Variants in OPCML observed in about 807,000 individuals in gnomAD.
OPCML encodes opioid binding protein/cell adhesion molecule like, also known as opioid-binding protein/cell adhesion molecule.
Under a neutral mutation model 37.8 loss-of-function variants are expected in OPCML, and 13 were observed. That is an observed-to-expected ratio of 0.34 (90% CI 0.22 to 0.55). OPCML has a LOEUF of 0.55. Among genes scored for constraint, OPCML ranks in the 20% least tolerant of loss-of-function variants. OPCML has a pLI of 0.91. For missense variants in OPCML, 341 were observed against 435.6 expected, an observed-to-expected ratio of 0.78 and a Z score of 1.93; for synonymous variants, 176 against 168.8, an observed-to-expected ratio of 1.04 and a Z score of -0.33.
intron 1 of OPCML, among the ~76,000 whole-genome samples, chr11:133,329,839 A>G (rs113648364): frequency 6.6e-6 from 1 of 152,152 alleles, no homozygotes; most frequent in Non-Finnish European, 1.5e-5. Flanking sequence ...TTGACAAATG[A>G]GATCTAATTA....
At chr11:133,276,532 C>T (rs1357706195) in intron 1 of OPCML, among the ~76,000 whole-genome samples, 6 of 152,252 alleles carry the variant, frequency 3.9e-5, no homozygotes, top group African/African-American at 7.2e-5. Context: ...AATAAAATGT[C>T]GGTGCTCCAT....
intron 2 of OPCML, among the ~76,000 whole-genome samples, chr11:132,792,010 C>A (rs1422878661): frequency 6.6e-6 from 1 of 152,178 alleles, no homozygotes; most frequent in Non-Finnish European, 1.5e-5. Context: ...AAAAGCCAGA[C>A]CTTGATTCTG....
chr11:132,731,950 A>G (rs923498317), intron 2 of OPCML, among the ~76,000 whole-genome samples: 1 of 152,200 alleles, frequency 6.6e-6, no homozygotes, highest in Non-Finnish European at 1.5e-5. Flanking sequence ...GGGTGTGATC[A>G]TATTATATAC....
At chr11:133,336,319 CTT>C (rs1397943575) in intron 1 of OPCML, among the ~76,000 whole-genome samples, 1 of 151,498 alleles carries the variant, frequency 6.6e-6, no homozygotes, top group Non-Finnish European at 1.5e-5. Context: ...TAGGAAAACA[CTT>C]TAGCCTCTTT....
At chr11:133,222,790 C>T (rs528298152) in intron 1 of OPCML, among the ~76,000 whole-genome samples, 13 of 147,842 alleles carry the variant, frequency 8.8e-5, no homozygotes, top group Admixed American at 2.0e-4. Flanking sequence ...AATGGACATG[C>T]GTGGAGGTGG....
At chr11:132,622,118 C>G (rs1268270108) in intron 3 of OPCML, among the ~76,000 whole-genome samples, 1 of 151,892 alleles carries the variant, frequency 6.6e-6, no homozygotes, top group Non-Finnish European at 1.5e-5. Context: ...TATTTGCTTT[C>G]TGTTCCAAGA....
intron 1 of OPCML, chr11:133,024,346 G>A (rs992916525): frequency 6.6e-5 from 65 of 985,088 alleles, no homozygotes; most frequent in Non-Finnish European, 7.5e-5. Context: ...TTCTTTACAG[G>A]TGAAACAGCA....
rs752687850 is a variant in OPCML, at chr11:132,943,124, C to T, written c.62-114G>A. On this transcript the variant is annotated intron_variant, in intron 1 of 7. Transcript: ENST00000524381. The surrounding 1 kb of genome is among the most constrained non-coding windows in gnomAD (Gnocchi z 4.3). ...CAGCCACAACTTCCCAGGACTCCGG[C>T]AGCCGCACAGTCCTGGTCCCCCGCC... 2.1e-5 allele frequency: 34 copies of T among 1,613,776 alleles called. No homozygotes were observed. The highest frequency in any genetic ancestry group is 2.7e-5 in the Non-Finnish European group (32 of 1,179,860).
chr11:132,576,999 G>A (rs2096452539), intron 3 of OPCML, among the ~76,000 whole-genome samples: 2 of 152,284 alleles, frequency 1.3e-5, no homozygotes, highest in Middle Eastern at 3.4e-3. Flanking sequence ...CATGCTGGAT[G>A]CACAAACCAT....
chr11:133,158,977 G>C (rs1325684464), intron 1 of OPCML, among the ~76,000 whole-genome samples: 1 of 152,104 alleles, frequency 6.6e-6, no homozygotes, highest in African/African-American at 2.4e-5. Flanking sequence ...CACTCAGGTG[G>C]CATGTTCCCT....
chr11:133,304,637 A>C (rs1942866589), intron 1 of OPCML, among the ~76,000 whole-genome samples: 1 of 152,170 alleles, frequency 6.6e-6, no homozygotes, highest in African/African-American at 2.4e-5. Context: ...TTGAAGCAAA[A>C]GTGTGAAAAC....
intron 1 of OPCML, among the ~76,000 whole-genome samples, chr11:133,384,899 T>C (rs1356858169): frequency 6.6e-6 from 1 of 152,246 alleles, no homozygotes; most frequent in Non-Finnish European, 1.5e-5. Flanking sequence ...GTTCAGGCTT[T>C]GATCAGAAGA....
chr11:133,517,472 C>T (rs999206637), intron 1 of OPCML, among the ~76,000 whole-genome samples: 3 of 152,166 alleles, frequency 2.0e-5, no homozygotes, highest in African/African-American at 7.2e-5. Context: ...GTAATAAAAG[C>T]GGAATTCCTC....
At chr11:132,941,761 C>G (rs1047930274) in intron 2 of OPCML, among the ~76,000 whole-genome samples, 38 of 152,174 alleles carry the variant, frequency 2.5e-4, no homozygotes, top group African/African-American at 8.7e-4. Flanking sequence ...GAAGATCCAG[C>G]TAAGTATCAC....
intron 4 of OPCML, among the ~76,000 whole-genome samples, chr11:132,499,016 A>G (rs1159067143): frequency 6.6e-6 from 1 of 152,222 alleles, no homozygotes; most frequent in East Asian, 1.9e-4. Context: ...TCTCAGGCAA[A>G]AGCCATGCTC....
intron 3 of OPCML, among the ~76,000 whole-genome samples, chr11:132,648,367 C>T (rs1591669538): frequency 1.3e-5 from 2 of 152,120 alleles, no homozygotes; most frequent in East Asian, 3.9e-4. Flanking sequence ...CTGAGATCAC[C>T]ATGCAAATTC....
intron 1 of OPCML, among the ~76,000 whole-genome samples, chr11:132,955,602 G>T (rs1945960573): frequency 6.6e-6 from 1 of 152,178 alleles, no homozygotes; most frequent in Admixed American, 6.5e-5. Context: ...TGCTGAATCT[G>T]GCTGGGCGCG....
chr11:133,283,327 T>C (rs1473077012), intron 1 of OPCML, among the ~76,000 whole-genome samples: 1 of 152,058 alleles, frequency 6.6e-6, no homozygotes, highest in African/African-American at 2.4e-5. Context: ...TGTCTACCAT[T>C]ACCAACCACG....
At chr11:132,480,112 A>C (rs893627191) in intron 4 of OPCML, among the ~76,000 whole-genome samples, 2 of 152,148 alleles carry the variant, frequency 1.3e-5, no homozygotes, top group African/African-American at 4.8e-5. Context: ...AAGAAGTTGA[A>C]AACTTTGAAA....
Sources: allele counts gnomAD v4.1 joint callset (sites outside exome capture counted in the v4.1 genomes callset), GRCh38; gene constraint gnomAD v4.1.1; non-coding constraint Gnocchi (gnomAD v3.1); transcripts MANE v1.5; gene names NCBI Gene and HGNC (gene_info 2026-07-23, HGNC 2026-07-21).